The following MYO5B variants were observed in gnomAD, a reference collection of about 807,000 sequenced individuals.
The protein encoded by MYO5B is myosin VB.
MYO5B carries 143 observed loss-of-function variants against 229.3 expected under a neutral mutation model. That is an observed-to-expected ratio of 0.62 (90% CI 0.54 to 0.72). The LOEUF is 0.72. Among genes scored for constraint, MYO5B ranks in the 30% least tolerant of loss-of-function variants. MYO5B has a pLI of 0.00. For missense variants in MYO5B, 2,321 were observed against 2,331.0 expected (o/e 1.00, Z 0.09); for synonymous variants, 918 against 885.2 (o/e 1.04, Z -0.66).
intron 39 of MYO5B, among the ~76,000 whole-genome samples, chr18:49,832,192 A>C (rs548258983): frequency 6.6e-6 from 1 of 152,368 alleles, no homozygotes; most frequent in South Asian, 2.1e-4. Flanking sequence ...AAAATGGTTA[A>C]AATGGAACAC....
At chr18:50,120,892 G>A (rs1480546819) in intron 1 of MYO5B, among the ~76,000 whole-genome samples, 1 of 152,144 alleles carries the variant, frequency 6.6e-6, no homozygotes, top group Non-Finnish European at 1.5e-5. Context: ...CCATTTAAAA[G>A]GCTTCCAATG....
intron 1 of MYO5B, among the ~76,000 whole-genome samples, chr18:50,154,752 T>C (rs1447304435): frequency 6.6e-6 from 1 of 152,204 alleles, no homozygotes; most frequent in Non-Finnish European, 1.5e-5. Flanking sequence ...AGGAAGACTT[T>C]CCTAGCACAA....
At chr18:49,944,609 G>A (rs1330678318) in intron 14 of MYO5B, among the ~76,000 whole-genome samples, 1 of 152,018 alleles carries the variant, frequency 6.6e-6, no homozygotes, top group African/African-American at 2.4e-5. Context: ...AGGCTTACTA[G>A]ATTTTAACTT....
At chr18:49,962,180 T>G in intron 12 of MYO5B, 86 bp downstream of exon 12, 3 of 1,574,092 alleles carry the variant, frequency 1.9e-6, no homozygotes, top group Non-Finnish European at 2.6e-6. Context: ...TGATCACAGA[T>G]GAAATTCCAC....
Position 50,046,766 on chromosome 18 carries a change from G to A in MYO5B, c.139-6452C>T, listed in dbSNP as rs1020503702. Among the ~76,000 whole-genome samples the A allele has an allele frequency of 2.0e-5, 3 of 152,114 alleles. No individual in the cohort carries two copies. The East Asian group carries it at 5.8e-4, about 29-fold the overall frequency. ...ATATAGACCAATGGAACAGAACAGAGCCCTCAGAAATAACGCCGCATATCT... is the reference window on the plus strand; with the variant it reads ...ATATAGACCAATGGAACAGAACAGAACCCTCAGAAATAACGCCGCATATCT... On this transcript the variant is annotated intron_variant, in intron 2 of 39. Transcript: ENST00000285039.
intron 10 of MYO5B, chr18:49,970,706 C>T (rs905525479): frequency 1.3e-5 from 2 of 152,068 alleles, no homozygotes; most frequent in African/African-American, 2.4e-5. Flanking sequence ...CACTGGCGGG[C>T]CAGGAATGCC....
At chr18:50,099,761 A>G (rs1222048128) in intron 1 of MYO5B, among the ~76,000 whole-genome samples, 1 of 152,208 alleles carries the variant, frequency 6.6e-6, no homozygotes, top group African/African-American at 2.4e-5. Flanking sequence ...TAGCTGAGAA[A>G]TACACGGTAT....
intron 23 of MYO5B, 63 bp from the exon 24 acceptor site, chr18:49,879,153 T>C (rs1873595676): frequency 1.3e-5 from 21 of 1,606,714 alleles, no homozygotes; most frequent in Admixed American, 1.7e-5. Context: ...TATTGACTCA[T>C]GTTTTCCGAT....
chr18:49,927,202 TTG>T (rs2025138527), intron 17 of MYO5B, among the ~76,000 whole-genome samples: 1 of 152,008 alleles, frequency 6.6e-6, no homozygotes, highest in African/African-American at 2.4e-5. Flanking sequence ...CAACAAAACA[TTG>T]CTGAAAGAAA....
intron 1 of MYO5B, among the ~76,000 whole-genome samples, chr18:50,079,609 G>A (rs2031167308): frequency 2.6e-5 from 4 of 152,304 alleles, no homozygotes; most frequent in Admixed American, 1.3e-4. Flanking sequence ...TGGAGAATAT[G>A]AATGGATGAC....
chr18:49,884,311 G>T (rs1421976412), intron 22 of MYO5B, among the ~76,000 whole-genome samples: 1 of 152,054 alleles, frequency 6.6e-6, no homozygotes, highest in East Asian at 1.9e-4. Context: ...AGGGTGACGG[G>T]GGAATGGTTT....
chr18:49,901,092 G>C (rs2024836421), intron 21 of MYO5B, among the ~76,000 whole-genome samples: 2 of 152,188 alleles, frequency 1.3e-5, no homozygotes, highest in African/African-American at 2.4e-5. Flanking sequence ...ACATATCGCA[G>C]AGCTTGGCAC....
intron 14 of MYO5B, among the ~76,000 whole-genome samples, chr18:49,951,140 A>T (rs559848854): frequency 4.3e-4 from 66 of 152,306 alleles, no homozygotes; most frequent in African/African-American, 1.5e-3. Context: ...AATTACGTGC[A>T]TCCTGTATGA....
At chr18:50,032,909 C>T (rs72913874) in intron 4 of MYO5B, among the ~76,000 whole-genome samples, 23,970 of 151,762 alleles carry the variant, frequency 0.16, 1,982 homozygotes, top group South Asian at 0.23. Flanking sequence ...ACTGTTTGAA[C>T]GTGGGAGGTG....
intron 1 of MYO5B, among the ~76,000 whole-genome samples, chr18:50,176,657 C>T (rs2033000982): frequency 6.6e-6 from 1 of 152,144 alleles, no homozygotes; most frequent in South Asian, 2.1e-4. Flanking sequence ...CAGAGTTCAC[C>T]CAAGGAACTT....
chr18:50,031,441 G>A (rs959737179), intron 4 of MYO5B, among the ~76,000 whole-genome samples: 1 of 152,180 alleles, frequency 6.6e-6, no homozygotes, highest in Non-Finnish European at 1.5e-5. Flanking sequence ...ATCTCAGACA[G>A]CAACTCTGAG....
intron 1 of MYO5B, among the ~76,000 whole-genome samples, chr18:50,176,542 G>A (rs2032999095): frequency 6.6e-6 from 1 of 152,140 alleles, no homozygotes; most frequent in Non-Finnish European, 1.5e-5. Context: ...TTCAAAGGAG[G>A]TGTTTTCCTA....
intron 14 of MYO5B, among the ~76,000 whole-genome samples, chr18:49,944,054 T>C (rs1052374730): frequency 6.6e-6 from 1 of 152,152 alleles, no homozygotes; most frequent in Non-Finnish European, 1.5e-5. Context: ...GACTAGCTCA[T>C]GTAGGCCTCA....
chr18:50,181,683 C>T (rs898998996), intron 1 of MYO5B, among the ~76,000 whole-genome samples: 3 of 152,196 alleles, frequency 2.0e-5, no homozygotes, highest in South Asian at 2.1e-4. Flanking sequence ...CACCTTCAGA[C>T]GGTGCAGGAT....
Sources: allele counts gnomAD v4.1 joint callset (sites outside exome capture counted in the v4.1 genomes callset), GRCh38; gene constraint gnomAD v4.1.1; transcripts MANE v1.5; gene names NCBI Gene and HGNC (gene_info 2026-07-23, HGNC 2026-07-21).